Variants in ENY2 observed in about 807,000 individuals in gnomAD.
ENY2 encodes the protein ENY2 transcription and export complex 2 subunit, also known as transcription and mRNA export factor ENY2.
ENY2 carries 4 observed loss-of-function variants against 15.9 expected under a neutral mutation model. The ratio of observed to expected loss-of-function variants is 0.25; its 90% confidence interval spans 0.12 to 0.57. The LOEUF (loss-of-function observed/expected upper bound fraction) is 0.57, where lower values mean the gene tolerates loss of function less well. Among genes scored for constraint, ENY2 ranks in the 20% least tolerant of loss-of-function variants. ENY2 has a pLI of 0.91. For missense variants in ENY2, 54 were observed against 117.2 expected, an observed-to-expected ratio of 0.46 and a Z score of 2.49; for synonymous variants, 48 against 38.0, an observed-to-expected ratio of 1.26 and a Z score of -0.97.
chr8:109,336,940 G>T (rs976418974), intron 2 of ENY2, among the ~76,000 whole-genome samples: 1 of 151,944 alleles, frequency 6.6e-6, no homozygotes, highest in Non-Finnish European at 1.5e-5. Context: ...ATAAGGAAGA[G>T]GCAAATATGT....
At chr8:109,342,803 C>T in intron 4 of ENY2, 2 of 668,594 alleles carry the variant, frequency 3.0e-6, no homozygotes, top group Non-Finnish European at 5.4e-6. Flanking sequence ...CGTACCCAGC[C>T]AACACAGTAT....
At chr8:109,335,925 T>TA (rs1346310821) in intron 1 of ENY2, 34 of 404,008 alleles carry the variant, frequency 8.4e-5, no homozygotes, top group Middle Eastern at 4.3e-4. Flanking sequence ...ATGTGATGTT[T>TA]AAAAAAAAGC....
chr8:109,335,686 G>T (rs1371768998), intron 1 of ENY2: 1 of 152,470 alleles, frequency 6.6e-6, no homozygotes, highest in African/African-American at 2.4e-5. Flanking sequence ...TTTACTAATA[G>T]TATTTAATCT....
chr8:109,343,252 T>C (rs1023759962), intron 4 of ENY2, among the ~76,000 whole-genome samples, 153 bp from the exon 5 acceptor site: 5 of 151,032 alleles, frequency 3.3e-5, no homozygotes, highest in African/African-American at 9.7e-5. Context: ...AAGACACTTT[T>C]CTTTGTCAGA....
Position 109,336,141 on chromosome 8 carries a change from A to G in ENY2, c.20A>G (p.Asn7Ser). 1.2e-6 allele frequency: 2 copies of G among 1,613,618 alleles called. No individual in the cohort carries two copies. Among genetic ancestry groups the G allele is most frequent in the Non-Finnish European group, 1.7e-6 (2 of 1,179,652 alleles). The change falls in exon 2 of 5, where the codon AAC becomes AGC. Residue 7 changes from asparagine (N) to serine (S), a missense_variant. Transcript: ENST00000521688. ...GTTGATGTCCAGGTTAGCAAGATGAACAAAGATGCGCAGATGAGAGCAGCG... is the reference window on the plus strand; with the variant it reads ...GTTGATGTCCAGGTTAGCAAGATGAGCAAAGATGCGCAGATGAGAGCAGCG... The part of the protein sequence containing the change: MVVSKM[N>S]KDAQMRAAIN...
At chr8:109,336,048 T>C (rs187831643) in intron 1 of ENY2, 80 bp from the exon 2 acceptor site, 5 of 1,292,148 alleles carry the variant, frequency 3.9e-6, no homozygotes, top group Non-Finnish European at 5.5e-6. Flanking sequence ...ATGGTAAACA[T>C]GTTAGGATGC....
Position 109,344,581 on chromosome 8 carries a change from C to A in ENY2, c.*1100C>A, listed in dbSNP as rs1217076153. ...AATGACTTTTTCCCCCAATAATTGCCCCTGCTATATTCCTTATTTCTGAAT... is the reference window on the plus strand; with the variant it reads ...AATGACTTTTTCCCCCAATAATTGCACCTGCTATATTCCTTATTTCTGAAT... On this transcript the variant is annotated 3_prime_UTR_variant, in exon 5 of 5. Transcript: ENST00000521688. The A allele has an allele frequency of 6.6e-6, 1 of 152,130 alleles. No homozygotes were observed. Among genetic ancestry groups the A allele is most frequent in the Non-Finnish European group, 1.5e-5 (1 of 68,040 alleles). 9.4% of individuals were successfully genotyped at this position (152,130 alleles called of 1,614,324 possible).
intron 1 of ENY2, 177 bp from the exon 2 acceptor site, chr8:109,335,951 T>C: frequency 2.0e-6 from 1 of 509,074 alleles, no homozygotes; most frequent in Non-Finnish European, 3.4e-6. Flanking sequence ...CACACTGCAT[T>C]AGCCCAGTGC....
chr8:109,343,631 A>G lies in ENY2; in HGVS notation c.*150A>G. The stretch of plus-strand genomic sequence containing the variant: ...ATACATTGTATTGATTTTTTTCCCT[A>G]AATGTGTTATTTTAATAAATATCTC... On this transcript the variant is annotated 3_prime_UTR_variant, in exon 5 of 5. Transcript: ENST00000521688. 3.6e-6 allele frequency: 2 copies of G among 554,766 alleles called. No individual in the cohort carries two copies. The highest frequency in any genetic ancestry group is 3.0e-6 in the Non-Finnish European group (1 of 332,784). 34.4% of individuals were successfully genotyped at this position (554,766 alleles called of 1,614,324 possible).
intron 3 of ENY2, 70 bp downstream of exon 3, chr8:109,339,460 T>C (rs1446491501): frequency 1.5e-5 from 19 of 1,292,900 alleles, no homozygotes; most frequent in Admixed American, 1.0e-4. Context: ...GGGTTGCTTA[T>C]TTTAAGGTAT....
In ENY2 at chr8:109,344,566, T is replaced by TC. The variant is rs1816195316; in HGVS notation, c.*1090dup. On this transcript the variant is annotated 3_prime_UTR_variant, in exon 5 of 5. Transcript: ENST00000521688. ...GACCTTACCTAAAATAATGACTTTT[T>TC]CCCCCAATAATTGCCCCTGCTATAT... 1 of 152,208 alleles carries TC rather than the reference T, an allele frequency of 6.6e-6. No homozygotes were observed. Among genetic ancestry groups the TC allele is most frequent in the South Asian group, 2.1e-4 (1 of 4,830 alleles). 9.4% of individuals were successfully genotyped at this position (152,208 alleles called of 1,614,324 possible). A position where few individuals can be genotyped will look rare whatever the true frequency, so the allele number is the denominator to read the frequency against.
intron 1 of ENY2, 36 bp downstream of exon 1, chr8:109,334,510 G>T: frequency 6.2e-7 from 1 of 1,607,612 alleles, no homozygotes; most frequent in Non-Finnish European, 8.5e-7. Flanking sequence ...GCCGGGACCC[G>T]GGCCCAGCCC....
At chr8:109,339,633 A>C in intron 3 of ENY2, 1 of 413,272 alleles carries the variant, frequency 2.4e-6, no homozygotes, top group Non-Finnish European at 4.3e-6. Context: ...ATGGAATCTC[A>C]TGTCTTTCAG....
chr8:109,334,939 T>A, intron 1 of ENY2: 2 of 153,964 alleles, frequency 1.3e-5, no homozygotes, highest in Non-Finnish European at 1.4e-5. Flanking sequence ...TCCCTGTTCC[T>A]CTCAAAAAAG....
chr8:109,336,256 G>A (rs1485334107), intron 2 of ENY2, 52 bp downstream of exon 2: 20 of 1,408,412 alleles, frequency 1.4e-5, no homozygotes, highest in Non-Finnish European at 1.9e-5. Flanking sequence ...TTAATAGTTA[G>A]CTTGTAAGAA....
At chr8:109,336,374 G>T in intron 2 of ENY2, 170 bp downstream of exon 2, 1 of 597,738 alleles carries the variant, frequency 1.7e-6, no homozygotes. Context: ...AAGTATTGCA[G>T]GACTTGGAGG....
chr8:109,337,458 C>G (rs1303368910), intron 2 of ENY2, among the ~76,000 whole-genome samples: 1 of 151,278 alleles, frequency 6.6e-6, no homozygotes, highest in South Asian at 2.1e-4. Context: ...CAGTAGTAGA[C>G]AAAAATGGAG....
chr8:109,340,750 C>T, intron 4 of ENY2, 187 bp downstream of exon 4: 1 of 632,740 alleles, frequency 1.6e-6, no homozygotes, highest in Non-Finnish European at 2.7e-6. Context: ...TACTAGGTTT[C>T]AGTGTTCTTG....
chr8:109,336,087 T>C lies in ENY2; in HGVS notation c.7-41T>C, dbSNP rs746664390. The C allele has an allele frequency of 4.4e-6, 7 of 1,594,642 alleles. No individual in the cohort carries two copies. In the East Asian group the frequency reaches 1.4e-4, roughly 31 times the overall value. On this transcript the variant is annotated intron_variant, in intron 1 of 4. Transcript: ENST00000521688. ...CCTAGAGGATTTAGCAGAAAATGCTTTGTAAATGTTCTATATCTGAAAGTA... is the reference window on the plus strand; with the variant it reads ...CCTAGAGGATTTAGCAGAAAATGCTCTGTAAATGTTCTATATCTGAAAGTA...
Sources: gnomAD v4.1 joint callset for allele counts (sites outside exome capture counted in the v4.1 genomes callset) on GRCh38, gnomAD v4.1.1 for gene constraint, MANE v1.5 for transcripts, NCBI Gene and HGNC (gene_info 2026-07-23, HGNC 2026-07-21) for gene names.